Variants in CEPT1 observed in about 807,000 individuals in gnomAD.
The protein encoded by CEPT1 is choline/ethanolamine phosphotransferase 1, also known as choline/ethanolaminephosphotransferase 1.
Under a neutral mutation model 42.6 loss-of-function variants are expected in CEPT1, and 7 were observed. That is an observed-to-expected ratio of 0.16 (90% CI 0.09 to 0.31). The LOEUF (loss-of-function observed/expected upper bound fraction) is 0.31, where lower values mean the gene tolerates loss of function less well. Ranked by LOEUF, CEPT1 falls within the 10% of genes least tolerant of loss-of-function variation. The pLI, the probability that CEPT1 is intolerant of heterozygous loss-of-function variation, is 1.00. For missense variants in CEPT1, 306 were observed against 502.1 expected, an observed-to-expected ratio of 0.61 and a Z score of 3.73; for synonymous variants, 171 against 171.9, an observed-to-expected ratio of 0.99 and a Z score of 0.04.
intron 4 of CEPT1, among the ~76,000 whole-genome samples, chr1:111,162,272 C>G (rs574504970): frequency 6.6e-6 from 1 of 152,304 alleles, no homozygotes; most frequent in East Asian, 1.9e-4. Flanking sequence ...GCAAGGAGAC[C>G]CGTTAGAGGA....
chr1:111,182,092 A>C, intron 5 of CEPT1, 95 bp from the exon 6 acceptor site: 1 of 899,730 alleles, frequency 1.1e-6, no homozygotes, highest in Non-Finnish European at 1.6e-6. Context: ...ATTGGAGGGA[A>C]TGGAAAGTTT....
chr1:111,152,905 A>AGATACAGTGTTATATTTTAAAACATC (rs1191565982), intron 2 of CEPT1, among the ~76,000 whole-genome samples: 4 of 152,206 alleles, frequency 2.6e-5, no homozygotes, highest in Non-Finnish European at 5.9e-5. Flanking sequence ...TTTAAAACAT[A>AGATACAGTGTTATATTTTAAAACATC]TATACAGTGT....
intron 2 of CEPT1, among the ~76,000 whole-genome samples, chr1:111,158,019 A>G (rs1292226108): frequency 6.6e-6 from 1 of 152,206 alleles, no homozygotes; most frequent in East Asian, 1.9e-4. Flanking sequence ...TAAATCAAAT[A>G]AGACCTCTTC....
intron 8 of CEPT1, among the ~76,000 whole-genome samples, chr1:111,183,934 T>G (rs1170582057): frequency 6.6e-6 from 1 of 152,202 alleles, no homozygotes; most frequent in African/African-American, 2.4e-5. Flanking sequence ...ATTTATATAT[T>G]GTCTGTGGCT....
At chr1:111,180,330 G>A (rs1213148214) in intron 5 of CEPT1, 1 of 152,120 alleles carries the variant, frequency 6.6e-6, no homozygotes, top group Non-Finnish European at 1.5e-5. Flanking sequence ...TTGGGAACCA[G>A]GAAACTAGCC....
rs759078198 is a variant in CEPT1 at position 111,161,287 on chromosome 1, G to A, written c.620G>A (p.Arg207Gln). The A allele has an allele frequency of 4.4e-6, 7 of 1,607,610 alleles. No individual in the cohort carries two copies. In the African/African-American group the frequency reaches 5.4e-5, roughly 12 times the overall value. ...CAAACGTATGTTTCTGGAACATTGC[G>A]ATTTGGAATGTAAGTAATACTTAAT... ...HWQTYVSGTL[R>Q]FGIIDVTEVQ... Residue 207 changes from arginine (R) to glutamine (Q), a missense_variant, in exon 4 of 9, where the codon CGA becomes CAA. This residue lies in a region of CEPT1 where 253 missense variants were observed against 447.3 expected (regional missense o/e 0.57). Coordinates refer to ENST00000357172, the MANE Select transcript of CEPT1 (RefSeq NM_006090.5).
intron 1 of CEPT1, among the ~76,000 whole-genome samples, chr1:111,146,390 A>G (rs1319730801): frequency 6.6e-6 from 1 of 151,966 alleles, no homozygotes; most frequent in Middle Eastern, 3.2e-3. Context: ...TAACAAACTG[A>G]TTTTCTTTTC....
chr1:111,173,086 A>G (rs1656502002), intron 4 of CEPT1: 1 of 152,156 alleles, frequency 6.6e-6, no homozygotes, highest in Non-Finnish European at 1.5e-5. Context: ...TTGTAATTCT[A>G]TACTTCTGGC....
intron 2 of CEPT1, among the ~76,000 whole-genome samples, chr1:111,155,818 G>A (rs1016597884): frequency 5.9e-5 from 9 of 152,112 alleles, no homozygotes; most frequent in Admixed American, 2.0e-4. Flanking sequence ...GATTACAGGC[G>A]TAAGCCACCA....
chr1:111,146,466 C>G (rs1285653994), intron 1 of CEPT1, among the ~76,000 whole-genome samples: 1 of 151,974 alleles, frequency 6.6e-6, no homozygotes, highest in African/African-American at 2.4e-5. Flanking sequence ...CTTCTGTTTC[C>G]TCACCTCTCA....
intron 2 of CEPT1, among the ~76,000 whole-genome samples, chr1:111,149,942 A>C (rs17026987): frequency 0.022 from 3,375 of 152,322 alleles, 117 homozygotes; most frequent in African/African-American, 0.078. Flanking sequence ...TCTGTTCTTA[A>C]GTGATTTGGA....
At position 111,168,700 on chromosome 1, in the gene CEPT1, G is replaced by A. The variant is rs368268110; in HGVS notation, c.630-6179G>A. Reference sequence around the variant, plus strand: ...AGACGGGGTTTCACCATGTTAGCCAGGATGGTCTCGATCTCCTGACCTCGT... The same window carrying A: ...AGACGGGGTTTCACCATGTTAGCCAAGATGGTCTCGATCTCCTGACCTCGT... On this transcript the variant is annotated intron_variant, in intron 4 of 8. Coordinates refer to ENST00000357172, the MANE Select transcript of CEPT1 (RefSeq NM_006090.5). Among the ~76,000 whole-genome samples the A allele has an allele frequency of 5.9e-5, 9 of 152,248 alleles. No homozygotes were observed. The East Asian group carries it at 1.2e-3, about 20-fold the overall frequency.
At chr1:111,183,720 T>C in intron 8 of CEPT1, 133 bp downstream of exon 8, 1 of 955,778 alleles carries the variant, frequency 1.0e-6, no homozygotes, top group Non-Finnish European at 1.6e-6. Flanking sequence ...TCCACATAAA[T>C]GGGGCTGTGT....
intron 4 of CEPT1, among the ~76,000 whole-genome samples, chr1:111,173,741 T>C (rs1278946280): frequency 1.3e-5 from 2 of 152,330 alleles, no homozygotes; most frequent in East Asian, 1.9e-4. Flanking sequence ...AAATTTGTTA[T>C]GCAATTACTG....
chr1:111,174,596 G>A (rs1251541207), intron 4 of CEPT1, among the ~76,000 whole-genome samples: 2 of 150,670 alleles, frequency 1.3e-5, no homozygotes, highest in Admixed American at 6.6e-5. Flanking sequence ...TGGTGGGAAA[G>A]GTTAACCTAT....
chr1:111,182,840 G>A lies in CEPT1; in HGVS notation c.888G>A (p.Val296=). 1 of 1,613,556 alleles carries A rather than the reference G, an allele frequency of 6.2e-7. No homozygotes were observed. Among genetic ancestry groups the A allele is most frequent in the South Asian group, 1.1e-5 (1 of 91,060 alleles). ...VLSPFLHIGS[V]ITLAAMIYKK... Reference sequence around the variant, plus strand: ...CTCCTTTTCTCCATATTGGATCAGTGATTACATTAGCTGCAATGATCTACA... The same window carrying A: ...CTCCTTTTCTCCATATTGGATCAGTAATTACATTAGCTGCAATGATCTACA... Residue 296 remains valine (V), a synonymous_variant, in exon 7 of 9, where the codon GTG becomes GTA. Transcript: ENST00000357172.
At chr1:111,172,909 T>A (rs1656495082) in intron 4 of CEPT1, among the ~76,000 whole-genome samples, 1 of 152,246 alleles carries the variant, frequency 6.6e-6, no homozygotes, top group Non-Finnish European at 1.5e-5. Context: ...ATGTCAGTAT[T>A]AGAATGGTTA....
At chr1:111,155,055 T>C (rs1655487646) in intron 2 of CEPT1, among the ~76,000 whole-genome samples, 1 of 152,166 alleles carries the variant, frequency 6.6e-6, no homozygotes, top group Non-Finnish European at 1.5e-5. Flanking sequence ...TTCAGAAGAA[T>C]TGGTGTAGTT....
intron 4 of CEPT1, among the ~76,000 whole-genome samples, chr1:111,168,493 C>CTT (rs1194436907): frequency 1.1e-4 from 15 of 142,236 alleles, no homozygotes; most frequent in African/African-American, 3.6e-4. Context: ...TTCTTTGGTT[C>CTT]TTTTTTTTTT....
Sources: allele counts gnomAD v4.1 joint callset (sites outside exome capture counted in the v4.1 genomes callset), GRCh38; gene constraint gnomAD v4.1.1; regional missense constraint gnomAD v4.1.1; transcripts MANE v1.5; gene names NCBI Gene and HGNC (gene_info 2026-07-23, HGNC 2026-07-21).